Variants in DNAL1 observed in about 807,000 individuals in gnomAD.
DNAL1 encodes the protein chromosome 14 open reading frame 168.
Under a neutral mutation model 29.4 loss-of-function variants are expected in DNAL1, and 17 were observed. The observed-to-expected ratio is 0.58, with a 90% confidence interval of 0.40 to 0.87. The LOEUF (loss-of-function observed/expected upper bound fraction) is 0.87, where lower values mean the gene tolerates loss of function less well. Among genes scored for constraint, DNAL1 ranks in the 40% least tolerant of loss-of-function variants. The pLI, the probability that DNAL1 is intolerant of heterozygous loss-of-function variation, is 0.00. For missense variants in DNAL1, 188 were observed against 214.1 expected (o/e 0.88, Z 0.76); for synonymous variants, 78 against 76.3 (o/e 1.02, Z -0.12).
intron 5 of DNAL1, among the ~76,000 whole-genome samples, chr14:73,678,329 A>G (rs998534348): frequency 1.3e-5 from 2 of 152,092 alleles, no homozygotes; most frequent in Non-Finnish European, 2.9e-5. Flanking sequence ...TATCCCTAAT[A>G]ATTATCAATA....
Position 73,701,457 on chromosome 14 carries a change from C to T in DNAL1, c.*5515C>T, listed in dbSNP as rs1434134977. 6.6e-6 allele frequency: 1 copy of T among 152,242 alleles called. No homozygotes were observed. Among genetic ancestry groups the T allele is most frequent in the East Asian group, 1.9e-4 (1 of 5,204 alleles). The allele number at this position is 152,242 out of a possible 1,614,324, so 9.4% of individuals were successfully genotyped here. On this transcript the variant is annotated 3_prime_UTR_variant, in exon 8 of 8. Transcript: ENST00000553645. Reference sequence around the variant, plus strand: ...AGTCGTCTTCCATGTCTGTTACATCCAAGATCATCCCTCTGGGGGATGTGT... The same window carrying T: ...AGTCGTCTTCCATGTCTGTTACATCTAAGATCATCCCTCTGGGGGATGTGT...
chr14:73,674,984 A>G (rs1173714688), intron 5 of DNAL1, among the ~76,000 whole-genome samples: 1 of 150,392 alleles, frequency 6.6e-6, no homozygotes, highest in Admixed American at 6.6e-5. Flanking sequence ...ACACTCAGCT[A>G]ATTTTTTTGT....
rs558828148 is a variant in DNAL1, at chr14:73,700,404, G to A, written c.*4462G>A. 6.6e-6 allele frequency: 1 copy of A among 152,206 alleles called. No individual in the cohort carries two copies. The highest frequency in any genetic ancestry group is 2.1e-4 in the South Asian group (1 of 4,820). The allele number at this position is 152,206 out of a possible 1,614,324, so 9.4% of individuals were successfully genotyped here. ...TTTGTGGAAAGAGGAATTTGAACTT[G>A]AATAAACACTTCTTTTGACACCTTT... On this transcript the variant is annotated 3_prime_UTR_variant, in exon 8 of 8. Coordinates refer to ENST00000553645, the MANE Select transcript of DNAL1 (RefSeq NM_031427.4).
intron 4 of DNAL1, among the ~76,000 whole-genome samples, chr14:73,669,103 A>T (rs909459136): frequency 9.3e-5 from 14 of 149,996 alleles, no homozygotes; most frequent in African/African-American, 3.4e-4. Flanking sequence ...TTACCCCTTT[A>T]TTTTTTTTTA....
chr14:73,647,945 A>T (rs946303341), intron 1 of DNAL1, among the ~76,000 whole-genome samples: 1 of 151,988 alleles, frequency 6.6e-6, no homozygotes, highest in Non-Finnish European at 1.5e-5. Flanking sequence ...ACCAGTGTTT[A>T]CTTCCTCCGG....
At chr14:73,683,996 C>T (rs533375211) in intron 5 of DNAL1, among the ~76,000 whole-genome samples, 26 of 152,212 alleles carry the variant, frequency 1.7e-4, no homozygotes, top group African/African-American at 4.3e-4. Flanking sequence ...CGTGAGCCAC[C>T]GCACCTGGCC....
chr14:73,690,652 C>CA (rs1256253887), intron 7 of DNAL1, among the ~76,000 whole-genome samples: 1,885 of 100,120 alleles, frequency 0.019, 40 homozygotes, highest in African/African-American at 0.057. Flanking sequence ...AACTCCGTCT[C>CA]AAAAAAAAAA....
rs886050686 is a variant in DNAL1, at chr14:73,695,998, A to C, written c.*56A>C. On this transcript the variant is annotated 3_prime_UTR_variant, in exon 8 of 8. Coordinates refer to ENST00000553645, the MANE Select transcript of DNAL1 (RefSeq NM_031427.4). The stretch of plus-strand genomic sequence containing the variant: ...TTAAATGTCATAAGAACAATAGATA[A>C]ATTTTATATAATTGTCTATTTTAAA... The C allele has an allele frequency of 1.4e-5, 20 of 1,437,374 alleles. No individual in the cohort carries two copies. In the East Asian group the frequency reaches 2.0e-4, roughly 14 times the overall value. The allele number at this position is 1,437,374 out of a possible 1,614,324, so 89.0% of individuals were successfully genotyped here.
intron 1 of DNAL1, among the ~76,000 whole-genome samples, chr14:73,650,596 T>C (rs1454922835): frequency 6.6e-6 from 1 of 152,188 alleles, no homozygotes; most frequent in African/African-American, 2.4e-5. Context: ...TTATAGAGTT[T>C]TGTTATATAG....
intron 5 of DNAL1, among the ~76,000 whole-genome samples, chr14:73,681,386 C>T (rs1445284552): frequency 2.0e-5 from 3 of 150,884 alleles, no homozygotes; most frequent in East Asian, 3.9e-4. Flanking sequence ...CCACCCGATT[C>T]GGCCTCCCAA....
chr14:73,694,591 T>C lies in DNAL1; in HGVS notation c.533-1311T>C, dbSNP rs538040418. On this transcript the variant is annotated intron_variant, in intron 7 of 7. Transcript: ENST00000553645. ...AATGTTCAGCAATTGGGGGAGGTCA[T>C]ATAAAATGACAATTAGAGGAGTTCA... Among the ~76,000 whole-genome samples, 30 of 152,190 alleles carry C rather than the reference T, an allele frequency of 2.0e-4. 1 individual carries two copies. In the Middle Eastern group the frequency reaches 0.014, roughly 69 times the overall value.
chr14:73,696,109 T>TC lies in DNAL1; in HGVS notation c.*171dup. Reference sequence around the variant, plus strand: ...TTTCCTTTAACTTATTCAGTGTTTCTCCCCAAAACTGGTAATGCCAACCTT... The same window carrying TC: ...TTTCCTTTAACTTATTCAGTGTTTCTCCCCCAAAACTGGTAATGCCAACCTT... On this transcript the variant is annotated 3_prime_UTR_variant, in exon 8 of 8. Coordinates refer to ENST00000553645, the MANE Select transcript of DNAL1 (RefSeq NM_031427.4). The TC allele has an allele frequency of 1.5e-6, 1 of 654,310 alleles. No individual in the cohort carries two copies. Among genetic ancestry groups the TC allele is most frequent in the Non-Finnish European group, 2.5e-6 (1 of 406,216 alleles). 40.5% of individuals were successfully genotyped at this position (654,310 alleles called of 1,614,324 possible).
At chr14:73,689,733 C>T (rs1013572895) in intron 7 of DNAL1, among the ~76,000 whole-genome samples, 1 of 152,098 alleles carries the variant, frequency 6.6e-6, no homozygotes, top group Non-Finnish European at 1.5e-5. Flanking sequence ...AGACCAAAAG[C>T]TTATAAGAAA....
At chr14:73,651,819 G>C (rs981693914) in intron 1 of DNAL1, among the ~76,000 whole-genome samples, 14 of 151,940 alleles carry the variant, frequency 9.2e-5, no homozygotes, top group African/African-American at 3.1e-4. Flanking sequence ...ACCATGCCCA[G>C]CTAAGTTTTG....
chr14:73,668,514 T>C (rs544188318), intron 4 of DNAL1, among the ~76,000 whole-genome samples: 48 of 152,336 alleles, frequency 3.2e-4, no homozygotes, highest in Admixed American at 7.8e-4. Context: ...TATATTAATT[T>C]GCTAGGTTGC....
At chr14:73,670,207 A>G (rs896891700) in intron 4 of DNAL1, among the ~76,000 whole-genome samples, 4 of 152,222 alleles carry the variant, frequency 2.6e-5, no homozygotes, top group African/African-American at 4.8e-5. Context: ...TTGAGTTCTT[A>G]CCATTCAATT....
intron 5 of DNAL1, among the ~76,000 whole-genome samples, chr14:73,677,364 C>T (rs1043717747): frequency 3.3e-5 from 5 of 150,856 alleles, no homozygotes; most frequent in Middle Eastern, 3.2e-3. Context: ...GAGGCAGGGT[C>T]TCGCTATGTT....
intron 1 of DNAL1, among the ~76,000 whole-genome samples, chr14:73,648,203 C>T (rs1891022365): frequency 6.6e-6 from 1 of 151,608 alleles, no homozygotes; most frequent in Non-Finnish European, 1.5e-5. Context: ...GTCTCAAACT[C>T]TTGACCTCAA....
intron 7 of DNAL1, among the ~76,000 whole-genome samples, chr14:73,690,478 C>T (rs1892145097): frequency 6.6e-6 from 1 of 151,966 alleles, no homozygotes. Context: ...CATGGAGAAA[C>T]CCCATCTCTA....
Sources: gnomAD v4.1 joint callset for allele counts (sites outside exome capture counted in the v4.1 genomes callset) on GRCh38, gnomAD v4.1.1 for gene constraint, MANE v1.5 for transcripts, NCBI Gene and HGNC (gene_info 2026-07-23, HGNC 2026-07-21) for gene names.